AS3MT: variants seen among roughly 807,000 people sequenced by gnomAD.
The protein encoded by AS3MT is S-adenosyl-L-methionine:arsenic(III) methyltransferase.
In AS3MT, 47 loss-of-function variants were observed where a neutral mutation model predicts 45.3. That is an observed-to-expected ratio of 1.04 (90% CI 0.82 to 1.32). The LOEUF is 1.32. Among genes scored for constraint, AS3MT ranks in the 40% most tolerant of loss-of-function variants. The pLI, the probability that AS3MT is intolerant of heterozygous loss-of-function variation, is 0.00. For missense variants in AS3MT, 396 were observed against 451.1 expected, an observed-to-expected ratio of 0.88 and a Z score of 1.11; for synonymous variants, 141 against 152.8, an observed-to-expected ratio of 0.92 and a Z score of 0.57.
rs578031321 is a variant in AS3MT, at chr10:102,897,151, G to A, written c.1021-3442G>A. ...GTAATCCCAGCACTTTGGGGAGGCC[G>A]AGGCGGGTGGATCACGAGGTCAGGA... On this transcript the variant is annotated intron_variant, in intron 10 of 10. Coordinates refer to ENST00000369880, the MANE Select transcript of AS3MT (RefSeq NM_020682.4). Among the ~76,000 whole-genome samples the A allele has an allele frequency of 8.5e-5, 13 of 152,130 alleles. 1 individual carries two copies. The South Asian group carries it at 2.3e-3, about 27-fold the overall frequency.
chr10:102,883,089 TA>T (rs35788696), intron 9 of AS3MT, among the ~76,000 whole-genome samples: 60,288 of 148,174 alleles, frequency 0.41, 12,656 homozygotes, highest in East Asian at 0.57. Context: ...AAATGTTTTA[TA>T]TATATATATA....
chr10:102,891,148 C>T (rs184610026), intron 10 of AS3MT, among the ~76,000 whole-genome samples: 2 of 152,296 alleles, frequency 1.3e-5, no homozygotes, highest in East Asian at 1.9e-4. Context: ...GAGATCTTAT[C>T]GGGAAGCTGC....
chr10:102,869,782 A>G (rs372049725), intron 1 of AS3MT, 23 bp from the exon 2 acceptor site: 4 of 1,613,858 alleles, frequency 2.5e-6, no homozygotes, highest in Non-Finnish European at 2.5e-6. Context: ...TCTCCTTTCA[A>G]CTAACTTTCC....
intron 4 of AS3MT, 130 bp downstream of exon 4, chr10:102,872,728 C>G (rs1188261177): frequency 2.0e-6 from 2 of 999,532 alleles, no homozygotes; most frequent in African/African-American, 3.3e-5. Context: ...TCATTTGTGC[C>G]ACTAGTGCTT....
In AS3MT at chr10:102,878,748, G is replaced by C; in HGVS notation, c.743-101G>C. 2.1e-6 allele frequency: 3 copies of C among 1,441,112 alleles called. No homozygotes were observed. In the South Asian group the frequency reaches 4.1e-5, roughly 20 times the overall value. The allele number at this position is 1,441,112 out of a possible 1,614,324, so 89.3% of individuals were successfully genotyped here. A position where few individuals can be genotyped will look rare whatever the true frequency, so the allele number is the denominator to read the frequency against. On this transcript the variant is annotated intron_variant, in intron 8 of 10. Transcript: ENST00000369880. ...CAGAAAGATAACTGATGACATGCAAGGAAGAAAATCATCTTTATAACGTGT... is the reference window on the plus strand; with the variant it reads ...CAGAAAGATAACTGATGACATGCAACGAAGAAAATCATCTTTATAACGTGT...
chr10:102,892,776 G>GA (rs1845092467), intron 10 of AS3MT, among the ~76,000 whole-genome samples: 1 of 152,000 alleles, frequency 6.6e-6, no homozygotes, highest in Non-Finnish European at 1.5e-5. Flanking sequence ...AGGAGTTCAA[G>GA]ACCAGCCTGG....
At position 102,873,190 on chromosome 10, in the gene AS3MT, T is replaced by G. The variant is rs1232246567; in HGVS notation, c.415T>G (p.Leu139Val). The G allele has an allele frequency of 6.2e-7, 1 of 1,610,658 alleles. No individual in the cohort carries two copies. The highest frequency in any genetic ancestry group is 1.3e-5 in the African/African-American group (1 of 74,812). ...TTTTATTCATGGCTACATTGAGAAG[T>G]TGGGAGAGGCTGGAATCAAGAATGA... ...VTFIHGYIEKLGEAGIKNESH... is the reference protein window; with the variant it reads ...VTFIHGYIEKVGEAGIKNESH... The change falls in exon 5 of 11, where the codon TTG becomes GTG. Residue 139 changes from leucine to valine, a missense_variant. Leu to Val is a conservative substitution (Grantham distance 32). Coordinates refer to ENST00000369880, the MANE Select transcript of AS3MT (RefSeq NM_020682.4).
Position 102,890,664 on chromosome 10 carries a change from G to A in AS3MT, c.1006G>A (p.Ala336Thr), listed in dbSNP as rs777191336. The A allele has an allele frequency of 6.2e-7, 1 of 1,610,498 alleles. No homozygotes were observed. Among genetic ancestry groups the A allele is most frequent in the Non-Finnish European group, 8.5e-7 (1 of 1,179,034 alleles). Residue 336 changes from alanine (A) to threonine (T), a missense_variant, in exon 10 of 11, where the codon GCT (alanine) becomes ACT (threonine). Ala to Thr is a moderately conservative substitution (Grantham distance 58, BLOSUM62 0). Coordinates refer to ENST00000369880, the MANE Select transcript of AS3MT (RefSeq NM_020682.4). ...GTTGCCAACATCTGGAGGCTGTTCT[G>A]CTTTGGAGTTAAAGGTTAGTTTGGC... ...EKLPTSGGCS[A>T]LELKDIITDP...
chr10:102,883,688 T>G (rs1200483078), intron 9 of AS3MT, among the ~76,000 whole-genome samples: 1 of 151,708 alleles, frequency 6.6e-6, no homozygotes, highest in Non-Finnish European at 1.5e-5. Flanking sequence ...CACTCCAGCC[T>G]GGGCAACAGA....
chr10:102,885,713 T>C (rs1406996756), intron 9 of AS3MT, among the ~76,000 whole-genome samples: 2 of 107,220 alleles, frequency 1.9e-5, no homozygotes, highest in African/African-American at 6.8e-5. Context: ...GTATTTTTAG[T>C]AGAGACGGGG....
At chr10:102,875,442 A>T (rs1293984190) in intron 6 of AS3MT, among the ~76,000 whole-genome samples, 3 of 135,794 alleles carry the variant, frequency 2.2e-5, no homozygotes, top group Non-Finnish European at 3.1e-5. Flanking sequence ...GTGCCACTGC[A>T]CTCCAGCCTG....
At chr10:102,874,264 A>G (rs1047142347) in intron 5 of AS3MT, among the ~76,000 whole-genome samples, 13 of 152,072 alleles carry the variant, frequency 8.5e-5, no homozygotes, top group Non-Finnish European at 1.6e-4. Context: ...GGGAAAAAAA[A>G]AAAAAGAAAG....
chr10:102,876,458 A>G (rs1010430366), intron 6 of AS3MT, among the ~76,000 whole-genome samples: 1 of 151,850 alleles, frequency 6.6e-6, no homozygotes, highest in Non-Finnish European at 1.5e-5. Flanking sequence ...AAATTTCTAT[A>G]TGGGAGAGAG....
chr10:102,888,856 T>C (rs1845003963), intron 9 of AS3MT, among the ~76,000 whole-genome samples: 1 of 31,146 alleles, frequency 3.2e-5, no homozygotes, highest in African/African-American at 8.1e-5. Context: ...AAACCCTATA[T>C]ATATATATAT....
chr10:102,888,875 A>ATTTTTTTTTTTTTTT (rs1448414240), intron 9 of AS3MT, among the ~76,000 whole-genome samples: 1 of 70,028 alleles, frequency 1.4e-5, no homozygotes, highest in African/African-American at 5.8e-5. Context: ...ATATATATAT[A>ATTTTTTTTTTTTTTT]TATATATTTT....
chr10:102,895,103 A>G lies in AS3MT; in HGVS notation c.1020+4425A>G, dbSNP rs573431155. Among the ~76,000 whole-genome samples, 4 of 152,220 alleles carry G rather than the reference A, an allele frequency of 2.6e-5. No individual in the cohort carries two copies. In the East Asian group the frequency reaches 7.7e-4, roughly 29 times the overall value. ...TTTTGTTGACAATGTTTAACATCCTACAGTTATGACACCCTAATTTGAATT... is the reference window on the plus strand; with the variant it reads ...TTTTGTTGACAATGTTTAACATCCTGCAGTTATGACACCCTAATTTGAATT... On this transcript the variant is annotated intron_variant, in intron 10 of 10. Coordinates refer to ENST00000369880, the MANE Select transcript of AS3MT (RefSeq NM_020682.4).
At chr10:102,889,239 C>T (rs1845019737) in intron 9 of AS3MT, among the ~76,000 whole-genome samples, 1 of 152,086 alleles carries the variant, frequency 6.6e-6, no homozygotes, top group South Asian at 2.1e-4. Flanking sequence ...CTCCCCCATT[C>T]TGTACCCTTT....
At chr10:102,894,497 C>A (rs1845132050) in intron 10 of AS3MT, among the ~76,000 whole-genome samples, 2 of 152,020 alleles carry the variant, frequency 1.3e-5, no homozygotes, top group Non-Finnish European at 2.9e-5. Context: ...ACGGACCCCT[C>A]CTGTCGGGCA....
Position 102,878,526 on chromosome 10 carries a change from C to T in AS3MT, c.742+16C>T, listed in dbSNP as rs1823512396. On this transcript the variant is annotated intron_variant, in intron 8 of 10. Transcript: ENST00000369880. ...AGAGTTATCGGTAAGATATGACAGA[C>T]AGCAGGGACTATTATAACTACAGCT... 1.9e-6 allele frequency: 3 copies of T among 1,612,634 alleles called. No homozygotes were observed. The highest frequency in any genetic ancestry group is 4.5e-5 in the East Asian group (2 of 44,866).
Sources: allele counts gnomAD v4.1 joint callset (sites outside exome capture counted in the v4.1 genomes callset), GRCh38; gene constraint gnomAD v4.1.1; transcripts MANE v1.5; gene names NCBI Gene and HGNC (gene_info 2026-07-23, HGNC 2026-07-21).